The following CELF2 variants were observed in gnomAD, a reference collection of about 807,000 sequenced individuals.
CELF2 encodes CUGBP Elav-like family member 2, also known as CUG triplet repeat RNA-binding protein 2.
In CELF2, 8 loss-of-function variants were observed where a neutral mutation model predicts 62.6. That is an observed-to-expected ratio of 0.13 (90% CI 0.07 to 0.23). The LOEUF is 0.23. CELF2 is among the 10% of genes least tolerant of loss of function. The pLI is 1.00. For missense variants in CELF2, 333 were observed against 671.0 expected, an observed-to-expected ratio of 0.50 and a Z score of 5.56; for synonymous variants, 258 against 250.0, an observed-to-expected ratio of 1.03 and a Z score of -0.30.
chr10:10,714,816 T>A, the CELF2 span, among the ~76,000 whole-genome samples: 2 of 152,132 alleles, frequency 1.3e-5, no homozygotes, highest in Non-Finnish European at 2.9e-5. Context: ...GTTCTAAGAA[T>A]GTATCCTCTG....
chr10:11,276,286 G>A (rs56131012), intron 8 of CELF2, among the ~76,000 whole-genome samples: 16,673 of 151,810 alleles, frequency 0.11, 1,068 homozygotes, highest in Middle Eastern at 0.17. Flanking sequence ...TCCTTGGCCT[G>A]TAGTAAAAAT....
chr10:10,686,668 C>T, the CELF2 span, among the ~76,000 whole-genome samples: 2 of 152,168 alleles, frequency 1.3e-5, no homozygotes, highest in Non-Finnish European at 2.9e-5. Flanking sequence ...TCTCACCTGC[C>T]ACCATGTAAG....
chr10:10,552,334 C>A, the CELF2 span, among the ~76,000 whole-genome samples: 72 of 152,334 alleles, frequency 4.7e-4, no homozygotes, highest in Non-Finnish European at 7.5e-4. Flanking sequence ...TAAGTAAAGA[C>A]AGGCAGCGTG....
At chr10:10,553,016 G>C in the CELF2 span, among the ~76,000 whole-genome samples, 1 of 152,124 alleles carries the variant, frequency 6.6e-6, no homozygotes, top group Non-Finnish European at 1.5e-5. Flanking sequence ...GCTCTCTGGT[G>C]CCTTGTATGT....
In CELF2 at chr10:11,220,729, CT is replaced by C. The variant is rs1456086497; in HGVS notation, c.354+3223del. Among the ~76,000 whole-genome samples, 1 of 152,230 alleles carries C rather than the reference CT, an allele frequency of 6.6e-6. No individual in the cohort carries two copies. The highest frequency in any genetic ancestry group is 1.5e-5 in the Non-Finnish European group (1 of 68,048). On this transcript the variant is annotated intron_variant, in intron 3 of 12. Coordinates refer to ENST00000633077, the MANE Select transcript of CELF2 (RefSeq NM_001326342.2). The surrounding 1 kb of genome is among the most constrained non-coding windows in gnomAD (Gnocchi z 4.4). Reference sequence around the variant, plus strand: ...TCAACACAGAGCAAGGGATGAGAGTCTGGGAGTCCTTCCCTTGGTTTGATCA... The same window carrying C: ...TCAACACAGAGCAAGGGATGAGAGTCGGGAGTCCTTCCCTTGGTTTGATCA...
chr10:10,747,965 C>T, the CELF2 span, among the ~76,000 whole-genome samples: 3 of 152,064 alleles, frequency 2.0e-5, no homozygotes, highest in Admixed American at 1.3e-4. Context: ...ATTAGAAGGG[C>T]CAAATGCACA....
chr10:11,144,088 A>G (rs1183538895), intron 1 of CELF2, among the ~76,000 whole-genome samples: 5 of 152,114 alleles, frequency 3.3e-5, no homozygotes, highest in Admixed American at 6.5e-5. Context: ...CTGGTTGGTT[A>G]ATATGGACAT....
At chr10:10,599,263 G>T in the CELF2 span, among the ~76,000 whole-genome samples, 6 of 152,102 alleles carry the variant, frequency 3.9e-5, no homozygotes, top group East Asian at 9.6e-4. Flanking sequence ...TATAAACTGT[G>T]ACCAGAGCCT....
At chr10:11,289,636 C>T (rs890056126) in intron 9 of CELF2, among the ~76,000 whole-genome samples, 10 of 152,132 alleles carry the variant, frequency 6.6e-5, no homozygotes, top group Admixed American at 1.3e-4. Flanking sequence ...GTGCTGAGAT[C>T]GCATGGCAGG....
chr10:11,076,785 T>C (rs533917673), intron 1 of CELF2, among the ~76,000 whole-genome samples: 1 of 152,312 alleles, frequency 6.6e-6, no homozygotes, highest in East Asian at 1.9e-4. Context: ...TTAGGAAAAT[T>C]TAAATCACCT....
chr10:11,148,540 C>G (rs2062697641), intron 1 of CELF2, among the ~76,000 whole-genome samples: 1 of 152,198 alleles, frequency 6.6e-6, no homozygotes, highest in African/African-American at 2.4e-5. Context: ...TTGACACTCT[C>G]ACTGTCTGCT....
chr10:10,623,426 T>A, the CELF2 span, among the ~76,000 whole-genome samples: 1 of 152,236 alleles, frequency 6.6e-6, no homozygotes, highest in Non-Finnish European at 1.5e-5. Context: ...GCAAAAATGC[T>A]AATCTTAACA....
Position 11,110,761 on chromosome 10 carries a change from C to T in CELF2, c.75-54725C>T, listed in dbSNP as rs561271128. Among the ~76,000 whole-genome samples, 15 of 152,202 alleles carry T rather than the reference C, an allele frequency of 9.9e-5. No homozygotes were observed. The South Asian group carries it at 2.5e-3, about 25-fold the overall frequency. On this transcript the variant is annotated intron_variant, in intron 1 of 12. Transcript: ENST00000633077. This position sits in a 1 kb window ranked among gnomAD's most constrained non-coding sequence, Gnocchi z 4.0. Reference sequence around the variant, plus strand: ...GGAATTCCAGAGTACAGTGTGCCCACGGGAGGCCTCATCCGGGGGCAGTTT... The same window carrying T: ...GGAATTCCAGAGTACAGTGTGCCCATGGGAGGCCTCATCCGGGGGCAGTTT...
chr10:11,002,800 G>A (rs759242808), upstream of CELF2, among the ~76,000 whole-genome samples: 3 of 151,972 alleles, frequency 2.0e-5, no homozygotes, highest in Non-Finnish European at 4.4e-5. This position sits in a 1 kb window ranked among gnomAD's most constrained non-coding sequence, Gnocchi z 4.4. Flanking sequence ...AATAAGAAAC[G>A]TCAAGGTTAT....
chr10:11,197,025 A>AAGGAAAG (rs1554936316), intron 2 of CELF2, among the ~76,000 whole-genome samples: 1 of 26,132 alleles, frequency 3.8e-5, no homozygotes, highest in African/African-American at 1.8e-4. Context: ...AGAAAGAAAG[A>AAGGAAAG]AAAGAAAGAA....
At chr10:10,806,625 C>A (rs2055263384) in intron 1 of CELF2, among the ~76,000 whole-genome samples, 1 of 152,140 alleles carries the variant, frequency 6.6e-6, no homozygotes, top group African/African-American at 2.4e-5. Context: ...CTTCAGTGTG[C>A]AGGACTGTAT....
intron 2 of CELF2, among the ~76,000 whole-genome samples, chr10:10,991,666 A>C (rs1395867345): frequency 1.3e-5 from 2 of 151,994 alleles, no homozygotes; most frequent in Admixed American, 6.6e-5. Flanking sequence ...ATCTTTCATC[A>C]ATTTCTCTAA....
chr10:10,898,905 A>C (rs780265502), intron 1 of CELF2, among the ~76,000 whole-genome samples: 2 of 152,262 alleles, frequency 1.3e-5, no homozygotes, highest in Non-Finnish European at 2.9e-5. Context: ...AGTGATATAA[A>C]ATATGTAAAT....
chr10:11,201,217 G>C (rs1376811519), intron 2 of CELF2, among the ~76,000 whole-genome samples: 12 of 152,346 alleles, frequency 7.9e-5, no homozygotes, highest in African/African-American at 2.9e-4. Flanking sequence ...TGTTTCACCT[G>C]TATTTTCCTT....
Sources: gnomAD v4.1 joint callset for allele counts (sites outside exome capture counted in the v4.1 genomes callset) on GRCh38, gnomAD v4.1.1 for gene constraint, Gnocchi (gnomAD v3.1) non-coding constraint, MANE v1.5 for transcripts, NCBI Gene and HGNC (gene_info 2026-07-23, HGNC 2026-07-21) for gene names.